Variants in FSTL5 observed in about 807,000 individuals in gnomAD.
FSTL5 encodes the protein follistatin like 5, also known as follistatin-related protein 5.
FSTL5 carries 62 observed loss-of-function variants against 89.1 expected under a neutral mutation model. The observed-to-expected ratio is 0.70, with a 90% confidence interval of 0.57 to 0.86. The LOEUF (loss-of-function observed/expected upper bound fraction) is 0.86, where lower values mean the gene tolerates loss of function less well. Among genes scored for constraint, FSTL5 ranks in the 40% least tolerant of loss-of-function variants. The pLI is 0.00. For synonymous variants in FSTL5, 383 were observed against 346.2 expected (o/e 1.11, Z -1.18); for missense variants, 1,057 against 1,001.6 (o/e 1.06, Z -0.75).
At chr4:161,457,388 C>T (rs867503205) in intron 14 of FSTL5, among the ~76,000 whole-genome samples, 3 of 152,138 alleles carry the variant, frequency 2.0e-5, no homozygotes, top group Non-Finnish European at 2.9e-5. Flanking sequence ...TCTATCAGCA[C>T]AAAATATGTT....
intron 4 of FSTL5, among the ~76,000 whole-genome samples, chr4:161,913,492 G>T (rs1420134216): frequency 6.6e-6 from 1 of 152,206 alleles, no homozygotes; most frequent in Non-Finnish European, 1.5e-5. Context: ...GAGCCTGCGT[G>T]TGCACAGAAG....
In FSTL5 at chr4:161,831,159, C is replaced by A. The variant is rs567955469; in HGVS notation, c.410-55085G>T. On this transcript the variant is annotated intron_variant, in intron 4 of 15. Coordinates refer to ENST00000306100, the MANE Select transcript of FSTL5 (RefSeq NM_020116.5). ...ATGTGAAACGATGGCTATGTTCATT[C>A]TTCCACTATAGTAACCATTTTATCA... 1.3e-4 allele frequency among the ~76,000 whole-genome samples: 19 copies of A among 151,928 alleles called. No individual in the cohort carries two copies. In the East Asian group the frequency reaches 2.7e-3, roughly 22 times the overall value.
chr4:161,577,473 C>CAAAAAAAAAA (rs544029134), intron 8 of FSTL5, among the ~76,000 whole-genome samples: 16 of 110,188 alleles, frequency 1.5e-4, no homozygotes, highest in Non-Finnish European at 1.8e-4. Context: ...AGAAAAAAGA[C>CAAAAAAAAAA]AAAAAAAAAA....
intron 15 of FSTL5, among the ~76,000 whole-genome samples, chr4:161,454,422 C>A (rs777565213): frequency 6.6e-6 from 1 of 152,110 alleles, no homozygotes; most frequent in Non-Finnish European, 1.5e-5. Flanking sequence ...ATTACTTTTC[C>A]GCCTCTTGTA....
Position 161,625,941 on chromosome 4 carries a change from T to C in FSTL5, c.894+30387A>G, listed in dbSNP as rs1735301946. On this transcript the variant is annotated intron_variant, in intron 7 of 15. Coordinates refer to ENST00000306100, the MANE Select transcript of FSTL5 (RefSeq NM_020116.5). ...ACAAAACTAATCCAGAGAAAGGCTG[T>C]AAATCTCTTCAATTTTATGGAGGCT... 2.0e-5 allele frequency among the ~76,000 whole-genome samples: 3 copies of C among 152,136 alleles called. No homozygotes were observed. The South Asian group carries it at 6.2e-4, about 31-fold the overall frequency.
chr4:161,524,697 C>T (rs186685434), intron 10 of FSTL5, among the ~76,000 whole-genome samples: 22 of 152,238 alleles, frequency 1.4e-4, no homozygotes, highest in East Asian at 7.7e-4. Flanking sequence ...CGGTGGCTCA[C>T]GCCTGTGATC....
chr4:162,096,829 G>A (rs571714809), intron 2 of FSTL5, among the ~76,000 whole-genome samples: 24 of 151,856 alleles, frequency 1.6e-4, no homozygotes, highest in African/African-American at 2.2e-4. Flanking sequence ...ATTTTTTAAC[G>A]TTAACAATAT....
intron 4 of FSTL5, among the ~76,000 whole-genome samples, chr4:161,852,795 G>GATC (rs1359067757): frequency 1.3e-5 from 2 of 152,114 alleles, no homozygotes; most frequent in African/African-American, 4.8e-5. Context: ...AAAGGAATGA[G>GATC]ATCATGTCCT....
In FSTL5 at chr4:161,705,159, T is replaced by C. The variant is rs181462241; in HGVS notation, c.728-48665A>G. Among the ~76,000 whole-genome samples the C allele has an allele frequency of 4.6e-5, 7 of 152,186 alleles. No homozygotes were observed. In the East Asian group the frequency reaches 1.4e-3, roughly 29 times the overall value. On this transcript the variant is annotated intron_variant, in intron 6 of 15. Coordinates refer to ENST00000306100, the MANE Select transcript of FSTL5 (RefSeq NM_020116.5). ...CTCCTCAAATACAAGAATAACATCT[T>C]ATTCATATTTGCAATTCTATGTTTA...
intron 15 of FSTL5, among the ~76,000 whole-genome samples, chr4:161,409,437 A>G (rs1731511225): frequency 6.6e-6 from 1 of 151,978 alleles, no homozygotes; most frequent in African/African-American, 2.4e-5. Flanking sequence ...GGTGGAGTCC[A>G]GTGGCGTGAT....
At chr4:162,084,011 GA>G (rs559545762) in intron 2 of FSTL5, among the ~76,000 whole-genome samples, 2 of 151,550 alleles carry the variant, frequency 1.3e-5, no homozygotes, top group African/African-American at 2.4e-5. Flanking sequence ...GTATTTGTGG[GA>G]AAAAAAGAAT....
chr4:161,765,861 T>C (rs1366591632), intron 5 of FSTL5, among the ~76,000 whole-genome samples: 2 of 151,550 alleles, frequency 1.3e-5, no homozygotes, highest in African/African-American at 4.9e-5. Context: ...TGTGGCACAA[T>C]CTCGGCTCAC....
At position 161,498,563 on chromosome 4, in the gene FSTL5, A is replaced by G. The variant is rs572604826; in HGVS notation, c.1458+1453T>C. On this transcript the variant is annotated intron_variant, in intron 12 of 15. Coordinates refer to ENST00000306100, the MANE Select transcript of FSTL5 (RefSeq NM_020116.5). ...GGATTTCACAGCCTATCTTATTAGT[A>G]TTAGTAATTGAAGTTTCAAATTCTG... is the stretch of plus-strand genomic sequence containing the variant. Among the ~76,000 whole-genome samples, 5 of 152,318 alleles carry G rather than the reference A, an allele frequency of 3.3e-5. No homozygotes were observed. The South Asian group carries it at 6.2e-4, about 19-fold the overall frequency.
At chr4:162,080,455 C>G (rs1223482837) in intron 2 of FSTL5, among the ~76,000 whole-genome samples, 4 of 151,566 alleles carry the variant, frequency 2.6e-5, no homozygotes, top group Non-Finnish European at 5.9e-5. Flanking sequence ...AAGAATGAAT[C>G]TGATGTCCAT....
rs148000684 is a variant in FSTL5 at position 161,428,073 on chromosome 4, G to T, written c.1841+26931C>A. ...ACAGAGAGAGAGTCGGTGTTCTTGG[G>T]AAAGGAGAGTGCAGTGGTTTTAGGA... is the stretch of plus-strand genomic sequence containing the variant. On this transcript the variant is annotated intron_variant, in intron 15 of 15. Coordinates refer to ENST00000306100, the MANE Select transcript of FSTL5 (RefSeq NM_020116.5). Among the ~76,000 whole-genome samples, 67 of 152,144 alleles carry T rather than the reference G, an allele frequency of 4.4e-4. 2 individuals are homozygous for T. The East Asian group carries it at 0.012, about 27-fold the overall frequency.
At chr4:162,032,570 T>G (rs549209885) in intron 3 of FSTL5, 1 of 152,280 alleles carries the variant, frequency 6.6e-6, no homozygotes, top group South Asian at 2.1e-4. Flanking sequence ...GTGTTTTTTA[T>G]TCTTCAGCAA....
At chr4:161,612,371 G>T (rs1401926663) in intron 7 of FSTL5, among the ~76,000 whole-genome samples, 1 of 152,122 alleles carries the variant, frequency 6.6e-6, no homozygotes, top group Non-Finnish European at 1.5e-5. Context: ...TTGTTGTGTT[G>T]TTCAGTCAAG....
intron 12 of FSTL5, among the ~76,000 whole-genome samples, chr4:161,492,495 T>G (rs893730448): frequency 6.6e-6 from 1 of 152,136 alleles, no homozygotes; most frequent in Non-Finnish European, 1.5e-5. Context: ...GTAATATGTA[T>G]TTACATGAAA....
chr4:161,600,041 T>C (rs1461778274), intron 7 of FSTL5, among the ~76,000 whole-genome samples: 2 of 152,058 alleles, frequency 1.3e-5, no homozygotes, highest in Non-Finnish European at 2.9e-5. Flanking sequence ...AGGTTACTAA[T>C]TTCACAGTAC....
Sources: gnomAD v4.1 joint callset for allele counts (sites outside exome capture counted in the v4.1 genomes callset) on GRCh38, gnomAD v4.1.1 for gene constraint, MANE v1.5 for transcripts, NCBI Gene and HGNC (gene_info 2026-07-23, HGNC 2026-07-21) for gene names.